ADRA1A: variants seen among roughly 807,000 people sequenced by gnomAD.
ADRA1A encodes the protein adrenoceptor alpha 1A.
A neutral mutation model predicts 29.6 loss-of-function variants in ADRA1A; 31 were observed. The observed-to-expected ratio is 1.05, with a 90% CI of 0.79 to 1.41. ADRA1A has a LOEUF of 1.41. ADRA1A is among the 40% of genes most tolerant of loss of function. The pLI is 0.00. For missense variants in ADRA1A, 619 were observed against 601.1 expected, an observed-to-expected ratio of 1.03 and a Z score of -0.31; for synonymous variants, 311 against 254.3, an observed-to-expected ratio of 1.22 and a Z score of -2.12.
rs1056324167 is a variant in ADRA1A, at chr8:26,848,288, G to A, written c.883+15799C>T. On this transcript the variant is annotated intron_variant, in intron 2 of 2. Coordinates refer to ENST00000380573, the MANE Select transcript of ADRA1A (RefSeq NM_000680.4). This position sits in a 1 kb window ranked among gnomAD's most constrained non-coding sequence, Gnocchi z 4.3. ...TACCACTAATATGGATGGAAAGTTT[G>A]TGTCCTCCCCAAATCCACATGTTGA... Among the ~76,000 whole-genome samples, 1 of 152,206 alleles carries A rather than the reference G, an allele frequency of 6.6e-6. No homozygotes were observed. The highest frequency in any genetic ancestry group is 2.4e-5 in the African/African-American group (1 of 41,454).
intron 2 of ADRA1A, among the ~76,000 whole-genome samples, chr8:26,839,157 ATT>A (rs11352512): frequency 0.085 from 10,169 of 119,900 alleles, 1,104 homozygotes; most frequent in African/African-American, 0.28. Context: ...TCTGTGAAGA[ATT>A]TTTTTTTTTT....
chr8:26,788,785 A>T (rs1353888623), intron 2 of ADRA1A, among the ~76,000 whole-genome samples: 2 of 152,124 alleles, frequency 1.3e-5, no homozygotes, highest in African/African-American at 4.8e-5. Flanking sequence ...GCTAACACCG[A>T]ATGCGCTACA....
chr8:26,829,166 C>T (rs1585780877), intron 2 of ADRA1A, among the ~76,000 whole-genome samples: 1 of 152,218 alleles, frequency 6.6e-6, no homozygotes, highest in East Asian at 1.9e-4. Context: ...ACTGAACCTC[C>T]ACTCACAATG....
intron 2 of ADRA1A, among the ~76,000 whole-genome samples, chr8:26,832,116 G>T (rs1446113465): frequency 1.3e-5 from 2 of 152,232 alleles, no homozygotes; most frequent in African/African-American, 4.8e-5. Flanking sequence ...TCGGTTTGCA[G>T]CGAGAAATGT....
chr8:26,780,383 C>A (rs1806879250), intron 2 of ADRA1A, among the ~76,000 whole-genome samples: 1 of 152,164 alleles, frequency 6.6e-6, no homozygotes, highest in Non-Finnish European at 1.5e-5. Flanking sequence ...TTCACTCTAA[C>A]TTTGTTAGTT....
At chr8:26,758,210 G>A (rs975033386) in intron 2 of ADRA1A, among the ~76,000 whole-genome samples, 5 of 152,194 alleles carry the variant, frequency 3.3e-5, no homozygotes, top group East Asian at 1.9e-4. Flanking sequence ...GACCTGAGCC[G>A]CGGTGCAGCA....
At position 26,821,182 on chromosome 8, in the gene ADRA1A, G is replaced by C. The variant is rs1267907725; in HGVS notation, c.883+42905C>G. 1.3e-5 allele frequency among the ~76,000 whole-genome samples: 2 copies of C among 152,112 alleles called. No homozygotes were observed. Among genetic ancestry groups the C allele is most frequent in the Non-Finnish European group, 2.9e-5 (2 of 68,020 alleles). On this transcript the variant is annotated intron_variant, in intron 2 of 2. Transcript: ENST00000380573. This position sits in a 1 kb window ranked among gnomAD's most constrained non-coding sequence, Gnocchi z 5.6. ...TGGGATTACAGGCATGAGCCACCAC[G>C]CCTGGCCACATTAGGCCATTTTAGT...
intron 2 of ADRA1A, chr8:26,859,157 G>A (rs1393049154): frequency 3.7e-5 from 48 of 1,289,874 alleles, no homozygotes; most frequent in South Asian, 4.9e-5. Context: ...AGTGCAGACC[G>A]ACAGCCCTTT....
intron 2 of ADRA1A, among the ~76,000 whole-genome samples, chr8:26,798,419 G>T (rs544796791): frequency 6.6e-6 from 1 of 152,166 alleles, no homozygotes. Flanking sequence ...GACTCAATAT[G>T]TTAAGCAGAT....
At position 26,841,355 on chromosome 8, in the gene ADRA1A, C is replaced by A. The variant is rs1434786290; in HGVS notation, c.883+22732G>T. On this transcript the variant is annotated intron_variant, in intron 2 of 2. Transcript: ENST00000380573. This position sits in a 1 kb window ranked among gnomAD's most constrained non-coding sequence, Gnocchi z 4.4. The stretch of plus-strand genomic sequence containing the variant: ...TTTCCTTTACCACCCACTGTCTGAG[C>A]CACCAAAGCCTACCCCACCCTTGCA... Among the ~76,000 whole-genome samples, 4 of 152,138 alleles carry A rather than the reference C, an allele frequency of 2.6e-5. No individual in the cohort carries two copies. The highest frequency in any genetic ancestry group is 6.5e-5 in the Admixed American group (1 of 15,274).
intron 2 of ADRA1A, among the ~76,000 whole-genome samples, chr8:26,816,002 T>C (rs1430461234): frequency 5.9e-5 from 9 of 152,106 alleles, no homozygotes; most frequent in Admixed American, 5.9e-4. Context: ...GCTGGTTCCA[T>C]GGCAGCTGTA....
intron 2 of ADRA1A, among the ~76,000 whole-genome samples, chr8:26,800,706 CA>C (rs1808513269): frequency 6.6e-6 from 1 of 152,118 alleles, no homozygotes; most frequent in African/African-American, 2.4e-5. Flanking sequence ...GAATCCTACT[CA>C]AACTATTTCA....
intron 2 of ADRA1A, among the ~76,000 whole-genome samples, chr8:26,791,229 T>C (rs4732652): frequency 0.17 from 25,366 of 152,208 alleles, 2,481 homozygotes; most frequent in East Asian, 0.47. Flanking sequence ...TCTGCTAATT[T>C]GAATATTTTG....
intron 2 of ADRA1A, among the ~76,000 whole-genome samples, chr8:26,782,663 G>A (rs1164431040): frequency 6.6e-6 from 1 of 152,052 alleles, no homozygotes; most frequent in African/African-American, 2.4e-5. Flanking sequence ...TCAAGGTCAG[G>A]GCAGCTCATT....
chr8:26,851,338 G>T (rs1017671063), intron 2 of ADRA1A, among the ~76,000 whole-genome samples: 6 of 152,130 alleles, frequency 3.9e-5, no homozygotes, highest in African/African-American at 1.4e-4. Context: ...TTAAAAACAG[G>T]AGACAAGCTT....
chr8:26,800,970 A>G (rs951088345), intron 2 of ADRA1A, among the ~76,000 whole-genome samples: 4 of 152,198 alleles, frequency 2.6e-5, no homozygotes, highest in Admixed American at 6.5e-5. Context: ...AGGATGGTTC[A>G]ACATATTCAT....
chr8:26,829,448 A>G (rs1296398054), intron 2 of ADRA1A, among the ~76,000 whole-genome samples: 4 of 152,328 alleles, frequency 2.6e-5, no homozygotes, highest in African/African-American at 9.6e-5. Context: ...ATCCCAATCC[A>G]TCTCATATTT....
At chr8:26,849,663 A>C (rs938010251) in intron 2 of ADRA1A, among the ~76,000 whole-genome samples, 3 of 152,202 alleles carry the variant, frequency 2.0e-5, no homozygotes, top group African/African-American at 7.2e-5. Context: ...AAATTTTAAT[A>C]CCAGGTCACC....
At chr8:26,776,274 C>T (rs117856890) in intron 2 of ADRA1A, among the ~76,000 whole-genome samples, 6 of 152,338 alleles carry the variant, frequency 3.9e-5, no homozygotes, top group Non-Finnish European at 7.3e-5. Flanking sequence ...CTGTTTCTCT[C>T]AGAATGAGGG....
Sources: gnomAD v4.1 joint callset for allele counts (sites outside exome capture counted in the v4.1 genomes callset) on GRCh38, gnomAD v4.1.1 for gene constraint, Gnocchi (gnomAD v3.1) non-coding constraint, MANE v1.5 for transcripts, NCBI Gene and HGNC (gene_info 2026-07-23, HGNC 2026-07-21) for gene names.